The following UBP1 variants were observed in gnomAD, a reference collection of about 807,000 sequenced individuals.
The protein encoded by UBP1 is upstream binding protein 1.
In UBP1, 22 loss-of-function variants were observed where a neutral mutation model predicts 76.1. The observed-to-expected ratio is 0.29, with a 90% CI of 0.21 to 0.41. The LOEUF is 0.41. Among genes scored for constraint, UBP1 ranks in the 10% least tolerant of loss-of-function variants. The probability of loss-of-function intolerance (pLI) is 1.00; values close to 1 mark genes in which losing one functional copy is unlikely to be tolerated. For synonymous variants in UBP1, 224 were observed against 237.1 expected (o/e 0.94, Z 0.51); for missense variants, 436 against 668.1 (o/e 0.65, Z 3.83).
At chr3:33,431,000 TAAAAG>T (rs545996718) in intron 1 of UBP1, among the ~76,000 whole-genome samples, 70 of 151,664 alleles carry the variant, frequency 4.6e-4, no homozygotes, top group Non-Finnish European at 7.2e-4. Context: ...TTTAAAGAAA[TAAAAG>T]AAAAGCCTGA....
intron 1 of UBP1, among the ~76,000 whole-genome samples, chr3:33,435,864 T>C (rs2045196000): frequency 6.6e-6 from 1 of 152,190 alleles, no homozygotes; most frequent in Non-Finnish European, 1.5e-5. Context: ...CAACATACAG[T>C]GTCTACTGAA....
intron 9 of UBP1, among the ~76,000 whole-genome samples, chr3:33,402,557 T>C (rs966003278): frequency 1.3e-5 from 2 of 152,162 alleles, no homozygotes. Flanking sequence ...GTCTTGAAAA[T>C]GGCGCCTTGT....
intron 11 of UBP1, 97 bp downstream of exon 11, chr3:33,400,092 A>G (rs1464872828): frequency 4.2e-6 from 3 of 715,250 alleles, no homozygotes; most frequent in Non-Finnish European, 6.1e-6. Context: ...CTTCCTATCC[A>G]TAGTTATTTC....
At chr3:33,432,316 C>T (rs1490204090) in intron 1 of UBP1, among the ~76,000 whole-genome samples, 2 of 152,032 alleles carry the variant, frequency 1.3e-5, no homozygotes, top group Non-Finnish European at 2.9e-5. Flanking sequence ...ACAGTGTGAC[C>T]CTCTTCTGGC....
chr3:33,413,501 C>T (rs993650150), intron 3 of UBP1, among the ~76,000 whole-genome samples: 3 of 146,802 alleles, frequency 2.0e-5, no homozygotes, highest in Non-Finnish European at 4.5e-5. Context: ...GAGCCAAGTT[C>T]GCACCACTGC....
chr3:33,434,109 G>A (rs1025515031), intron 1 of UBP1, among the ~76,000 whole-genome samples: 1 of 152,070 alleles, frequency 6.6e-6, no homozygotes, highest in Non-Finnish European at 1.5e-5. Context: ...GTTTCAAACA[G>A]TCCTAATTGA....
chr3:33,409,679 C>T, intron 5 of UBP1, 78 bp from the exon 6 acceptor site: 1 of 1,539,496 alleles, frequency 6.5e-7, no homozygotes. Context: ...TCTTGAGTGA[C>T]CTGACACCAC....
chr3:33,416,746 G>A lies in UBP1; in HGVS notation c.342+12C>T. On this transcript the variant is annotated intron_variant, in intron 3 of 15. Transcript: ENST00000283629. ...GCAATATCCATTGGGAATTAAAATG[G>A]ACTGTCCTTACCTTTACTAATTTTC... The A allele has an allele frequency of 6.3e-7, 1 of 1,594,776 alleles. No individual in the cohort carries two copies. Among genetic ancestry groups the A allele is most frequent in the Non-Finnish European group, 8.6e-7 (1 of 1,167,986 alleles).
intron 2 of UBP1, among the ~76,000 whole-genome samples, chr3:33,424,246 AAAAC>A (rs2044971611): frequency 6.6e-6 from 1 of 152,228 alleles, no homozygotes; most frequent in South Asian, 2.1e-4. Context: ...ACTAAATATA[AAAAC>A]AAACAGGGAA....
intron 9 of UBP1, among the ~76,000 whole-genome samples, chr3:33,402,532 A>C (rs1443354102): frequency 6.6e-6 from 1 of 152,204 alleles, no homozygotes; most frequent in African/African-American, 2.4e-5. Flanking sequence ...CTTACAAAGA[A>C]TATATCTTGG....
At chr3:33,433,817 G>A (rs1053868951) in intron 1 of UBP1, among the ~76,000 whole-genome samples, 1 of 151,982 alleles carries the variant, frequency 6.6e-6, no homozygotes, top group Admixed American at 6.6e-5. Context: ...GGAGTTTGTG[G>A]CAGGAGAATC....
At chr3:33,402,219 T>G (rs1490629316) in intron 9 of UBP1, among the ~76,000 whole-genome samples, 1 of 152,218 alleles carries the variant, frequency 6.6e-6, no homozygotes, top group Non-Finnish European at 1.5e-5. Flanking sequence ...ACCTTCAAGA[T>G]GCCCCAAATG....
rs920742116 is a variant in UBP1 at position 33,389,188 on chromosome 3, A to C, written c.*1143T>G. ...GAAAGAGGCACTCTTATAGAGAAAG[A>C]AGCTAGTATGTGGTGTATAAAAAGC... On this transcript the variant is annotated 3_prime_UTR_variant, in exon 16 of 16. Transcript: ENST00000283629. The C allele has an allele frequency of 6.6e-6, 1 of 152,642 alleles. No homozygotes were observed. The highest frequency in any genetic ancestry group is 2.4e-5 in the African/African-American group (1 of 41,450). 9.5% of individuals were successfully genotyped at this position (152,642 alleles called of 1,614,324 possible). A position where few individuals can be genotyped will look rare whatever the true frequency, so the allele number is the denominator to read the frequency against.
At chr3:33,434,934 C>G (rs909922177) in intron 1 of UBP1, among the ~76,000 whole-genome samples, 2 of 152,144 alleles carry the variant, frequency 1.3e-5, no homozygotes, top group Non-Finnish European at 2.9e-5. Flanking sequence ...ATCCGCCCAC[C>G]TTGGCCCTCC....
Position 33,416,155 on chromosome 3 carries a change from C to G in UBP1, c.342+603G>C, listed in dbSNP as rs186078037. ...TTGTCTCTTGCTAACACTTAGTTAGCCACATGAGGTTTTACCTTTCCCCAA... is the reference window on the plus strand; with the variant it reads ...TTGTCTCTTGCTAACACTTAGTTAGGCACATGAGGTTTTACCTTTCCCCAA... On this transcript the variant is annotated intron_variant, in intron 3 of 15. Transcript: ENST00000283629. 7.2e-5 allele frequency: 11 copies of G among 152,296 alleles called. No homozygotes were observed. The East Asian group carries it at 2.1e-3, about 29-fold the overall frequency. The allele number at this position is 152,296 out of a possible 1,614,324, so 9.4% of individuals were successfully genotyped here.
At chr3:33,400,393 T>C in intron 10 of UBP1, 111 bp from the exon 11 acceptor site, 2 of 732,924 alleles carry the variant, frequency 2.7e-6, no homozygotes, top group Non-Finnish European at 4.3e-6. Flanking sequence ...AAAAAGAGCA[T>C]GAGTCTGACT....
At chr3:33,408,878 G>A in intron 7 of UBP1, 81 bp from the exon 8 acceptor site, 1 of 1,248,922 alleles carries the variant, frequency 8.0e-7, no homozygotes, top group Non-Finnish European at 1.2e-6. Flanking sequence ...TGTCTCTTCA[G>A]TCCAATTAAA....
chr3:33,404,488 A>T (rs1014909724), intron 8 of UBP1, among the ~76,000 whole-genome samples: 1 of 128,934 alleles, frequency 7.8e-6, no homozygotes, highest in Non-Finnish European at 1.8e-5. Context: ...ATAGGATTAA[A>T]AAAAAAAAAA....
chr3:33,396,642 C>G (rs2044006655), intron 12 of UBP1: 2 of 411,120 alleles, frequency 4.9e-6, no homozygotes, highest in South Asian at 2.2e-5. Context: ...CAAGCCAGCA[C>G]AATTTACAGT....
Sources: gnomAD v4.1 joint callset for allele counts (sites outside exome capture counted in the v4.1 genomes callset) on GRCh38, gnomAD v4.1.1 for gene constraint, MANE v1.5 for transcripts, NCBI Gene and HGNC (gene_info 2026-07-23, HGNC 2026-07-21) for gene names.